The following SLC45A4 variants were observed in gnomAD, a reference collection of about 807,000 sequenced individuals.
The protein encoded by SLC45A4 is solute carrier family 45 member 4.
In SLC45A4, 32 loss-of-function variants were observed where a neutral mutation model predicts 63.7. The observed-to-expected ratio is 0.50, with a 90% confidence interval of 0.38 to 0.67. SLC45A4 has a LOEUF of 0.67. Among genes scored for constraint, SLC45A4 ranks in the 30% least tolerant of loss-of-function variants. The probability of loss-of-function intolerance (pLI) is 0.00; values close to 1 mark genes in which losing one functional copy is unlikely to be tolerated. For missense variants in SLC45A4, 1,027 were observed against 1,157.7 expected, an observed-to-expected ratio of 0.89 and a Z score of 1.64; for synonymous variants, 535 against 510.0, an observed-to-expected ratio of 1.05 and a Z score of -0.66.
chr8:141,263,270 C>T (rs910887642), intron 1 of SLC45A4, among the ~76,000 whole-genome samples: 106 of 151,274 alleles, frequency 7.0e-4, no homozygotes, highest in African/African-American at 2.3e-3. Flanking sequence ...TGTTAAATGA[C>T]GAGTTAATGG....
At chr8:141,241,741 T>C (rs1322433048) in intron 2 of SLC45A4, among the ~76,000 whole-genome samples, 2 of 151,976 alleles carry the variant, frequency 1.3e-5, no homozygotes, top group African/African-American at 4.8e-5. Flanking sequence ...CCCCACTGCC[T>C]CCAAGCCTTT....
intron 2 of SLC45A4, among the ~76,000 whole-genome samples, chr8:141,235,872 C>T (rs944938084): frequency 4.6e-5 from 7 of 152,256 alleles, no homozygotes; most frequent in Middle Eastern, 3.4e-3. Flanking sequence ...GAGGCTGAGG[C>T]GGGCGGATCA....
At chr8:141,244,430 TG>T (rs1218187920) in intron 2 of SLC45A4, among the ~76,000 whole-genome samples, 1 of 152,220 alleles carries the variant, frequency 6.6e-6, no homozygotes, top group East Asian at 1.9e-4. Context: ...CGTTCAGTCC[TG>T]CAAGTCTTTG....
rs75326631 is a variant in SLC45A4 at position 141,208,760 on chromosome 8, G to C, written c.*2812C>G. ...GACACAGGCAGGCCGGCCCAGCTGA[G>C]AGCTCACGGCCTCTGCCCCTTCCCG... On this transcript the variant is annotated 3_prime_UTR_variant, in exon 9 of 9. Transcript: ENST00000517878. The C allele has an allele frequency of 1.3e-5, 2 of 152,280 alleles. No individual in the cohort carries two copies. The highest frequency in any genetic ancestry group is 6.5e-5 in the Admixed American group (1 of 15,284). 9.4% of individuals were successfully genotyped at this position (152,280 alleles called of 1,614,324 possible).
intron 1 of SLC45A4, among the ~76,000 whole-genome samples, chr8:141,291,092 G>A (rs1479016128): frequency 6.6e-6 from 1 of 152,108 alleles, no homozygotes; most frequent in South Asian, 2.1e-4. Flanking sequence ...CAAGTGATCC[G>A]CCCACCTTGG....
rs77569582 is a variant in SLC45A4, at chr8:141,267,478, T to C, written c.-400-12849A>G. ...ATGACGCCGGACAGTGCCAGGGAAT[T>C]GCATTTTTGAGGCAAGGCAAGGCTT... On this transcript the variant is annotated intron_variant, in intron 1 of 8. Transcript: ENST00000517878. 3.2e-3 allele frequency among the ~76,000 whole-genome samples: 487 copies of C among 152,356 alleles called. 1 individual carries two copies. Among genetic ancestry groups the C allele is most frequent in the African/African-American group, 9.8e-3 (408 of 41,582 alleles).
chr8:141,307,788 G>T (rs1830943929), intron 1 of SLC45A4, among the ~76,000 whole-genome samples: 1 of 144,576 alleles, frequency 6.9e-6, no homozygotes, highest in South Asian at 2.3e-4. Context: ...TCCAAATGAA[G>T]GCGCGCGCCC....
intron 2 of SLC45A4, 148 bp downstream of exon 2, chr8:141,253,841 G>A: frequency 7.7e-7 from 1 of 1,306,522 alleles, no homozygotes; most frequent in South Asian, 1.5e-5. Flanking sequence ...ACCACCATCA[G>A]GGCAGGCTGA....
rs573064493 is a variant in SLC45A4, at chr8:141,229,844, G to T, written c.242-8079C>A. Among the ~76,000 whole-genome samples the T allele has an allele frequency of 6.6e-6, 1 of 152,282 alleles. No homozygotes were observed. Among genetic ancestry groups the T allele is most frequent in the African/African-American group, 2.4e-5 (1 of 41,556 alleles). ...TGGCTGCGGGACTTTGGAGCAGCTT[G>T]GGCTTTGAACGTGCTGCCCTGCATG... On this transcript the variant is annotated intron_variant, in intron 2 of 8. Transcript: ENST00000517878. The surrounding 1 kb of genome is among the most constrained non-coding windows in gnomAD (Gnocchi z 5.0).
Position 141,256,481 on chromosome 8 carries a change from C to T in SLC45A4, c.-400-1852G>A, listed in dbSNP as rs536338301. 3 of 452,366 alleles carry T rather than the reference C, an allele frequency of 6.6e-6. No individual in the cohort carries two copies. The highest frequency in any genetic ancestry group is 1.3e-5 in the Non-Finnish European group (3 of 224,304). The allele number at this position is 452,366 out of a possible 1,614,324, so 28.0% of individuals were successfully genotyped here. A position where few individuals can be genotyped will look rare whatever the true frequency, so the allele number is the denominator to read the frequency against. ...TCGAGGTGCTGTCTTCACTCGGCTC[C>T]TCTCTCACACAGCCCTGATGGAGAA... On this transcript the variant is annotated intron_variant, in intron 1 of 8. Transcript: ENST00000517878. This position sits in a 1 kb window ranked among gnomAD's most constrained non-coding sequence, Gnocchi z 4.3.
At chr8:141,216,027 C>T in intron 6 of SLC45A4, 57 bp from the exon 7 acceptor site, 1 of 1,480,406 alleles carries the variant, frequency 6.8e-7, no homozygotes, top group East Asian at 2.4e-5. Context: ...TCCTGTCGGG[C>T]TCCCTCCACC....
At chr8:141,296,697 G>A (rs374973929) in intron 1 of SLC45A4, among the ~76,000 whole-genome samples, 1 of 148,886 alleles carries the variant, frequency 6.7e-6, no homozygotes, top group African/African-American at 2.5e-5. Flanking sequence ...TTAGCTGGGT[G>A]TGGTGGCGCA....
At chr8:141,274,220 C>T (rs1167335503) in intron 1 of SLC45A4, among the ~76,000 whole-genome samples, 4 of 142,480 alleles carry the variant, frequency 2.8e-5, no homozygotes. Flanking sequence ...CAGAGGGAGA[C>T]TCAGTCTCAA....
intron 8 of SLC45A4, 52 bp downstream of exon 8, chr8:141,212,145 C>CCCGGGG: frequency 1.0e-6 from 1 of 955,986 alleles, no homozygotes; most frequent in Non-Finnish European, 1.3e-6. Context: ...GCCGCCCGCC[C>CCCGGGG]GCCCGCCCAC....
chr8:141,263,711 A>C (rs1242143012), intron 1 of SLC45A4, among the ~76,000 whole-genome samples: 3 of 150,164 alleles, frequency 2.0e-5, no homozygotes, highest in East Asian at 4.0e-4. Flanking sequence ...CAGAGGTTGC[A>C]GTGAGCCGAA....
At chr8:141,272,789 T>TC (rs1179557062) in intron 1 of SLC45A4, among the ~76,000 whole-genome samples, 1 of 151,636 alleles carries the variant, frequency 6.6e-6, no homozygotes, top group Non-Finnish European at 1.5e-5. Flanking sequence ...CCCCAAGCTC[T>TC]CCCCCTTCCC....
At chr8:141,269,687 ATGTGTGTCTGTGTCTG>A (rs1246519785) in intron 1 of SLC45A4, among the ~76,000 whole-genome samples, 1 of 149,058 alleles carries the variant, frequency 6.7e-6, no homozygotes, top group East Asian at 2.0e-4. Context: ...GGGCATGTGT[ATGTGTGTCTGTGTCTG>A]TGTGTGTCTG....
chr8:141,284,986 G>C (rs1395436355), intron 1 of SLC45A4, among the ~76,000 whole-genome samples: 2 of 138,902 alleles, frequency 1.4e-5, no homozygotes, highest in African/African-American at 5.2e-5. Context: ...CGGCCCCCCA[G>C]CAAGGCCGGC....
chr8:141,258,893 TA>T lies in SLC45A4; in HGVS notation c.-400-4265del, dbSNP rs367859490. 6.2e-3 allele frequency among the ~76,000 whole-genome samples: 908 copies of T among 146,336 alleles called. 11 individuals carry two copies. The highest frequency in any genetic ancestry group is 0.02 in the African/African-American group (805 of 39,766). On this transcript the variant is annotated intron_variant, in intron 1 of 8. Coordinates refer to ENST00000517878, the MANE Select transcript of SLC45A4 (RefSeq NM_001286646.2). Reference sequence around the variant, plus strand: ...GAGACACAGTGAGACCTCTTTTTTTTAAAAAAAAAAAAAACAGACTCTAAAA... The same window carrying T: ...GAGACACAGTGAGACCTCTTTTTTTTAAAAAAAAAAAAACAGACTCTAAAA...
Sources: gnomAD v4.1 joint callset for allele counts (sites outside exome capture counted in the v4.1 genomes callset) on GRCh38, gnomAD v4.1.1 for gene constraint, Gnocchi (gnomAD v3.1) non-coding constraint, MANE v1.5 for transcripts, NCBI Gene and HGNC (gene_info 2026-07-23, HGNC 2026-07-21) for gene names.